The following PLEKHA7 variants were observed in gnomAD, a reference collection of about 807,000 sequenced individuals.
PLEKHA7 encodes the protein pleckstrin homology domain-containing family A member 7.
Under a neutral mutation model 170.0 loss-of-function variants are expected in PLEKHA7, and 104 were observed. The observed-to-expected ratio is 0.61, with a 90% CI of 0.52 to 0.72. PLEKHA7 has a LOEUF of 0.72. Among genes scored for constraint, PLEKHA7 ranks in the 30% least tolerant of loss-of-function variants. PLEKHA7 has a pLI of 0.00. For synonymous variants in PLEKHA7, 648 were observed against 660.8 expected, an observed-to-expected ratio of 0.98 and a Z score of 0.30; for missense variants, 1,615 against 1,671.7, an observed-to-expected ratio of 0.97 and a Z score of 0.59.
At chr11:16,951,379 G>C (rs1861397009) in intron 3 of PLEKHA7, among the ~76,000 whole-genome samples, 1 of 152,190 alleles carries the variant, frequency 6.6e-6, no homozygotes, top group Admixed American at 6.5e-5. Context: ...TGATGACGAA[G>C]AAGACAACAA....
At chr11:16,903,774 T>TG (rs1857485887) in intron 3 of PLEKHA7, among the ~76,000 whole-genome samples, 2 of 152,338 alleles carry the variant, frequency 1.3e-5, no homozygotes, top group South Asian at 4.1e-4. Flanking sequence ...GCCCATTCAA[T>TG]TCCAAAAGAC....
Position 16,801,081 on chromosome 11 carries a change from G to A in PLEKHA7, c.2308-6C>T. 6.2e-7 allele frequency: 1 copy of A among 1,613,110 alleles called. No homozygotes were observed. The highest frequency in any genetic ancestry group is 1.1e-5 in the South Asian group (1 of 91,058). Reference sequence around the variant, plus strand: ...TTCCAAGCATTTTCCATCTCCTGTTGGCCAAGACAATGCTTCCGGTTCTTA... The same window carrying A: ...TTCCAAGCATTTTCCATCTCCTGTTAGCCAAGACAATGCTTCCGGTTCTTA... On this transcript the variant is annotated splice_region_variant and splice_polypyrimidine_tract_variant and intron_variant, in intron 16 of 26. Coordinates refer to ENST00000531066, the MANE Select transcript of PLEKHA7 (RefSeq NM_001329630.2).
intron 8 of PLEKHA7, among the ~76,000 whole-genome samples, chr11:16,845,400 C>T (rs1365626972): frequency 6.6e-6 from 1 of 152,196 alleles, no homozygotes; most frequent in Non-Finnish European, 1.5e-5. Context: ...CAAGGTCTTG[C>T]TCTGTTGCCA....
intron 3 of PLEKHA7, among the ~76,000 whole-genome samples, chr11:16,903,293 T>C (rs1274083702): frequency 6.6e-6 from 1 of 152,196 alleles, no homozygotes; most frequent in Non-Finnish European, 1.5e-5. Context: ...AGGTGATCAG[T>C]AGCTGAAGTG....
Position 16,789,143 on chromosome 11 carries a change from G to T in PLEKHA7, c.3310C>A (p.Pro1104Thr). Residue 1104 changes from proline to threonine, a missense_variant, in exon 23 of 27, where the codon CCC becomes ACC. Coordinates refer to ENST00000531066, the MANE Select transcript of PLEKHA7 (RefSeq NM_001329630.2). This position sits in a 1 kb window ranked among gnomAD's most constrained non-coding sequence, Gnocchi z 4.6. Reference protein sequence around the residue: ...TLGQGERTGLPSSRYLSRPLP... With the variant: ...TLGQGERTGLTSSRYLSRPLP... ...GGCCGGCTGAGGTAGCGAGATGAGG[G>T]CAGGCCCGTCCTCTCCCCTTGGCCC... 1 of 1,609,998 alleles carries T rather than the reference G, an allele frequency of 6.2e-7. No homozygotes were observed. Among genetic ancestry groups the T allele is most frequent in the Non-Finnish European group, 8.5e-7 (1 of 1,180,010 alleles).
At chr11:16,988,912 T>C (rs1863884349) in intron 3 of PLEKHA7, among the ~76,000 whole-genome samples, 1 of 152,348 alleles carries the variant, frequency 6.6e-6, no homozygotes, top group South Asian at 2.1e-4. Flanking sequence ...AGCCCTCATG[T>C]CCCTGTGGGT....
chr11:16,974,331 T>C (rs1230435328), intron 3 of PLEKHA7, among the ~76,000 whole-genome samples: 1 of 151,350 alleles, frequency 6.6e-6, no homozygotes, highest in East Asian at 1.9e-4. Context: ...AACCACAATT[T>C]CGTCATTGGG....
intron 24 of PLEKHA7, among the ~76,000 whole-genome samples, chr11:16,784,560 G>A (rs557322514): frequency 2.0e-5 from 3 of 152,258 alleles, no homozygotes; most frequent in East Asian, 3.9e-4. Context: ...AGCATCTCCC[G>A]TGGACCTAGT....
chr11:16,969,701 C>T (rs997799956), intron 3 of PLEKHA7, among the ~76,000 whole-genome samples: 1 of 152,162 alleles, frequency 6.6e-6, no homozygotes, highest in African/African-American at 2.4e-5. Context: ...GGAGAGTGAG[C>T]ATTTCTCTTC....
chr11:16,930,490 C>A (rs11024080), intron 3 of PLEKHA7, among the ~76,000 whole-genome samples: 7 of 152,036 alleles, frequency 4.6e-5, no homozygotes, highest in African/African-American at 7.2e-5. Context: ...GCAAAACCAC[C>A]AGGACAGGAT....
chr11:16,856,991 T>C (rs1430328114), intron 4 of PLEKHA7, among the ~76,000 whole-genome samples: 7 of 152,160 alleles, frequency 4.6e-5, no homozygotes, highest in Admixed American at 4.6e-4. Context: ...GAGATGCAGC[T>C]AGAGAACCCA....
intron 9 of PLEKHA7, among the ~76,000 whole-genome samples, chr11:16,836,761 A>T (rs1334371701): frequency 6.6e-6 from 1 of 151,264 alleles, no homozygotes; most frequent in Non-Finnish European, 1.5e-5. Flanking sequence ...AAGCTGGAAA[A>T]ACTTGTGTTT....
At chr11:16,988,042 T>C (rs950876169) in intron 3 of PLEKHA7, among the ~76,000 whole-genome samples, 1 of 152,230 alleles carries the variant, frequency 6.6e-6, no homozygotes, top group African/African-American at 2.4e-5. Context: ...CCAGTGTCTG[T>C]ACCCTCTCTC....
chr11:16,779,163 C>A (rs952612811), intron 26 of PLEKHA7, 143 bp from the exon 27 acceptor site: 2 of 675,254 alleles, frequency 3.0e-6, no homozygotes, highest in African/African-American at 3.5e-5. Context: ...CTGGGGGACC[C>A]TCAGCTTCCA....
At chr11:17,009,499 T>C (rs1865199422) in intron 3 of PLEKHA7, among the ~76,000 whole-genome samples, 1 of 152,200 alleles carries the variant, frequency 6.6e-6, no homozygotes, top group African/African-American at 2.4e-5. Flanking sequence ...GATTAGGCTG[T>C]TATATAATTA....
At chr11:16,872,734 T>G (rs1038529431) in intron 3 of PLEKHA7, among the ~76,000 whole-genome samples, 1 of 152,174 alleles carries the variant, frequency 6.6e-6, no homozygotes, top group Non-Finnish European at 1.5e-5. Flanking sequence ...TTGCATAGGC[T>G]GGTCTCAACC....
At chr11:16,839,653 A>G (rs541705008) in intron 9 of PLEKHA7, among the ~76,000 whole-genome samples, 1 of 152,218 alleles carries the variant, frequency 6.6e-6, no homozygotes, top group African/African-American at 2.4e-5. Context: ...ATACAGTATA[A>G]CAACTATTTA....
intron 3 of PLEKHA7, among the ~76,000 whole-genome samples, chr11:16,980,080 C>G (rs1863332037): frequency 6.6e-6 from 1 of 152,184 alleles, no homozygotes; most frequent in African/African-American, 2.4e-5. Flanking sequence ...AACAAAGGAA[C>G]CCCTACTTAG....
intron 4 of PLEKHA7, among the ~76,000 whole-genome samples, chr11:16,865,374 C>T (rs1442854586): frequency 2.0e-5 from 3 of 152,176 alleles, no homozygotes; most frequent in African/African-American, 7.2e-5. Context: ...ATGCCTAGTC[C>T]CCTCAGGGGG....
Sources: gnomAD v4.1 joint callset for allele counts (sites outside exome capture counted in the v4.1 genomes callset) on GRCh38, gnomAD v4.1.1 for gene constraint, Gnocchi (gnomAD v3.1) non-coding constraint, MANE v1.5 for transcripts, NCBI Gene and HGNC (gene_info 2026-07-23, HGNC 2026-07-21) for gene names.